Variants in IFNGR2 observed in about 807,000 individuals in gnomAD.
The protein encoded by IFNGR2 is interferon gamma receptor 2, also known as IFN-gamma receptor 2.
A neutral mutation model predicts 41.1 loss-of-function variants in IFNGR2; 15 were observed. The observed-to-expected ratio is 0.37, with a 90% CI of 0.24 to 0.56. The LOEUF (loss-of-function observed/expected upper bound fraction) is 0.56. Ranked by LOEUF, IFNGR2 falls within the 20% of genes least tolerant of loss-of-function variation. The pLI is 0.81. For missense variants in IFNGR2, 362 were observed against 415.7 expected (o/e 0.87, Z 1.12); for synonymous variants, 161 against 171.6 (o/e 0.94, Z 0.48).
At chr21:33,430,611 T>A (rs2083877666) in intron 4 of IFNGR2, among the ~76,000 whole-genome samples, 2 of 152,034 alleles carry the variant, frequency 1.3e-5, no homozygotes, top group African/African-American at 4.8e-5. Flanking sequence ...GACCAGCTTA[T>A]TTTTTTATTA....
In IFNGR2 at chr21:33,423,036, C is replaced by CTTTTTTT. The variant is rs1158807047; in HGVS notation, c.412+1366_412+1372dup. 5.3e-4 allele frequency among the ~76,000 whole-genome samples: 62 copies of CTTTTTTT among 117,360 alleles called. 2 individuals are homozygous for CTTTTTTT. The highest frequency in any genetic ancestry group is 1.8e-3 in the African/African-American group (54 of 29,412). 77.0% of individuals were successfully genotyped at this position (117,360 alleles called of 152,430 possible). ...GTGTTTGTTAATGATCTTCCCTCTA[C>CTTTTTTT]TTTTTTTTTTTTTTTTTTTTTGAGA... is the stretch of plus-strand genomic sequence containing the variant. On this transcript the variant is annotated intron_variant, in intron 3 of 6. Coordinates refer to ENST00000290219, the MANE Select transcript of IFNGR2 (RefSeq NM_005534.4).
intron 2 of IFNGR2, among the ~76,000 whole-genome samples, chr21:33,419,017 C>T (rs2083772326): frequency 6.6e-6 from 1 of 152,130 alleles, no homozygotes; most frequent in Non-Finnish European, 1.5e-5. Flanking sequence ...TCTGGACAAT[C>T]TAGAAAAGTA....
chr21:33,408,063 A>G (rs372240858), intron 1 of IFNGR2, among the ~76,000 whole-genome samples: 20 of 152,224 alleles, frequency 1.3e-4, no homozygotes, highest in East Asian at 5.8e-4. Flanking sequence ...CCCGCCCCCA[A>G]TAGAAAGATC....
Position 33,433,865 on chromosome 21 carries a change from C to T in IFNGR2, c.879+994C>T, listed in dbSNP as rs183443623. Among the ~76,000 whole-genome samples, 177 of 152,026 alleles carry T rather than the reference C, an allele frequency of 1.2e-3. 1 individual carries two copies. The highest frequency in any genetic ancestry group is 3.8e-3 in the African/African-American group (156 of 41,454). ...AGATTGGCTGCAGTAGACCCCTCTC[C>T]GAGGCAGCAGGTCTCCTCTGCTGTC... On this transcript the variant is annotated intron_variant, in intron 6 of 6. Coordinates refer to ENST00000290219, the MANE Select transcript of IFNGR2 (RefSeq NM_005534.4).
intron 1 of IFNGR2, among the ~76,000 whole-genome samples, chr21:33,406,145 A>G (rs796577411): frequency 7.2e-5 from 11 of 152,230 alleles, no homozygotes; most frequent in African/African-American, 2.6e-4. Flanking sequence ...GGCAGAGGTG[A>G]GCAGATCACC....
chr21:33,419,752 A>C (rs566077224), intron 2 of IFNGR2, among the ~76,000 whole-genome samples: 1 of 152,300 alleles, frequency 6.6e-6, no homozygotes, highest in South Asian at 2.1e-4. Flanking sequence ...TTGCTGGGTC[A>C]AAGGGGATGG....
chr21:33,434,477 G>A (rs1350347368), intron 6 of IFNGR2, among the ~76,000 whole-genome samples: 1 of 152,040 alleles, frequency 6.6e-6, no homozygotes, highest in African/African-American at 2.4e-5. Context: ...AGCCAATATC[G>A]CACCATAGCA....
At chr21:33,407,267 A>G (rs1245195753) in intron 1 of IFNGR2, among the ~76,000 whole-genome samples, 2 of 148,502 alleles carry the variant, frequency 1.3e-5, no homozygotes, top group Admixed American at 6.7e-5. Flanking sequence ...AGAGCTTCTC[A>G]TATGCTTAGA....
intron 1 of IFNGR2, 33 bp downstream of exon 1, chr21:33,403,649 C>G: frequency 2.4e-6 from 3 of 1,225,862 alleles, no homozygotes; most frequent in Non-Finnish European, 3.1e-6. Flanking sequence ...CGGCGGGACG[C>G]GGGCGCAGCC....
At chr21:33,411,841 G>A (rs1415187306) in intron 1 of IFNGR2, among the ~76,000 whole-genome samples, 1 of 152,348 alleles carries the variant, frequency 6.6e-6, no homozygotes, top group African/African-American at 2.4e-5. Flanking sequence ...ACTTTAGTCA[G>A]TGAGACTGAC....
intron 1 of IFNGR2, 37 bp downstream of exon 1, chr21:33,403,653 C>T: frequency 7.9e-7 from 1 of 1,263,284 alleles, no homozygotes; most frequent in Non-Finnish European, 1.0e-6. Context: ...GGGACGCGGG[C>T]GCAGCCGCAG....
chr21:33,427,085 C>A, intron 4 of IFNGR2, 53 bp downstream of exon 4: 4 of 1,530,084 alleles, frequency 2.6e-6, no homozygotes, highest in Non-Finnish European at 3.6e-6. Context: ...CAGTTTCTGG[C>A]TTAGCAAAAG....
intron 2 of IFNGR2, among the ~76,000 whole-genome samples, chr21:33,419,461 G>T (rs1376748338): frequency 6.7e-6 from 1 of 148,952 alleles, no homozygotes; most frequent in African/African-American, 2.5e-5. Flanking sequence ...TTTGAAAATT[G>T]TGTGTGTGTG....
At chr21:33,429,968 A>G (rs1033142670) in intron 4 of IFNGR2, among the ~76,000 whole-genome samples, 9 of 152,112 alleles carry the variant, frequency 5.9e-5, no homozygotes, top group African/African-American at 2.2e-4. Context: ...GTGAAAACCC[A>G]TCTCTACTAA....
intron 6 of IFNGR2, among the ~76,000 whole-genome samples, 192 bp from the exon 7 acceptor site, chr21:33,436,636 C>T (rs951205920): frequency 5.3e-5 from 8 of 151,394 alleles, no homozygotes; most frequent in South Asian, 2.1e-4. Context: ...GCAGGAGAAT[C>T]GCTTGAACCT....
intron 1 of IFNGR2, among the ~76,000 whole-genome samples, chr21:33,413,777 G>A (rs543923571): frequency 3.3e-5 from 5 of 150,730 alleles, no homozygotes; most frequent in Non-Finnish European, 7.4e-5. Context: ...TCTGATATTG[G>A]TGGTGTTTCC....
chr21:33,434,274 G>A (rs1407103339), intron 6 of IFNGR2, among the ~76,000 whole-genome samples: 1 of 152,138 alleles, frequency 6.6e-6, no homozygotes, highest in East Asian at 1.9e-4. Flanking sequence ...GTAATCCCAG[G>A]ACTTGGGGAG....
intron 6 of IFNGR2, among the ~76,000 whole-genome samples, chr21:33,435,882 CAAAAAAAAA>C (rs35251279): frequency 6.2e-5 from 3 of 48,244 alleles, no homozygotes; most frequent in East Asian, 6.8e-4. Flanking sequence ...GACTCCGTCT[CAAAAAAAAA>C]AAAAAAAAAA....
At chr21:33,421,715 T>C in intron 3 of IFNGR2, 30 bp downstream of exon 3, 2 of 1,559,990 alleles carry the variant, frequency 1.3e-6, no homozygotes, top group Non-Finnish European at 1.8e-6. Flanking sequence ...GAACTTCCTT[T>C]ATACTTTCCA....
Sources: allele counts gnomAD v4.1 joint callset (sites outside exome capture counted in the v4.1 genomes callset), GRCh38; gene constraint gnomAD v4.1.1; transcripts MANE v1.5; gene names NCBI Gene and HGNC (gene_info 2026-07-23, HGNC 2026-07-21).